Variants in QNG1 observed in about 807,000 individuals in gnomAD.
The protein encoded by QNG1 is Q-nucleotide N-glycosylase 1.
At chr9:83,943,708 C>T in the QNG1 span, among the ~76,000 whole-genome samples, 4 of 152,104 alleles carry the variant, frequency 2.6e-5, no homozygotes, top group Non-Finnish European at 5.9e-5. Context: ...ATTATTCAAT[C>T]ATAGAATCTA....
At chr9:83,955,480 A>G in the QNG1 span, 4 of 1,614,180 alleles carry the variant, frequency 2.5e-6, no homozygotes, top group South Asian at 1.1e-5. Flanking sequence ...AGTTGAGAAA[A>G]GAGCCTCCAA....
the QNG1 span, among the ~76,000 whole-genome samples, chr9:83,954,572 A>AC: frequency 1.1e-4 from 16 of 150,004 alleles, no homozygotes; most frequent in African/African-American, 3.9e-4. Flanking sequence ...TCAGAGCAAG[A>AC]CTCCATCTCA....
chr9:83,945,572 C>T, the QNG1 span, among the ~76,000 whole-genome samples: 1 of 151,954 alleles, frequency 6.6e-6, no homozygotes, highest in African/African-American at 2.4e-5. Context: ...ACTTCATATA[C>T]AGATTTCTGC....
chr9:83,955,334 C>A, the QNG1 span: 1 of 1,585,128 alleles, frequency 6.3e-7, no homozygotes, highest in Non-Finnish European at 8.6e-7. Flanking sequence ...AAAGAGTTAA[C>A]TCTGAGATGA....
chr9:83,943,192 T>G, the QNG1 span, among the ~76,000 whole-genome samples: 136 of 151,800 alleles, frequency 9.0e-4, no homozygotes, highest in Non-Finnish European at 1.3e-3. Flanking sequence ...ATACAAAAAT[T>G]AGCCAGGCAT....
the QNG1 span, among the ~76,000 whole-genome samples, chr9:83,947,562 G>T: frequency 2.0e-5 from 3 of 152,198 alleles, no homozygotes; most frequent in African/African-American, 7.2e-5. Context: ...CTCTGATGCC[G>T]AGGGGAGGCT....
chr9:83,954,702 A>G, the QNG1 span, among the ~76,000 whole-genome samples: 1 of 151,772 alleles, frequency 6.6e-6, no homozygotes, highest in African/African-American at 2.4e-5. Context: ...CAACATGGTG[A>G]AACCCCGTCT....
the QNG1 span, chr9:83,956,434 T>A: frequency 6.4e-7 from 1 of 1,567,514 alleles, no homozygotes; most frequent in Non-Finnish European, 8.6e-7. Context: ...CCGCTGTCAA[T>A]AAACACATCC....
At chr9:83,948,899 C>T in the QNG1 span, among the ~76,000 whole-genome samples, 1 of 152,016 alleles carries the variant, frequency 6.6e-6, no homozygotes. Flanking sequence ...AGGCAGCATG[C>T]TCCTTAAGAG....
At chr9:83,955,297 T>G in the QNG1 span, 1 of 1,444,488 alleles carries the variant, frequency 6.9e-7, no homozygotes, top group Non-Finnish European at 9.4e-7. Flanking sequence ...ATTTAAGTTT[T>G]TATTCTTAAA....
At chr9:83,945,485 G>A in the QNG1 span, among the ~76,000 whole-genome samples, 1 of 151,426 alleles carries the variant, frequency 6.6e-6, no homozygotes, top group Non-Finnish European at 1.5e-5. Flanking sequence ...CTCCAAACTC[G>A]CTTCCCATTT....
At chr9:83,942,269 A>T in the QNG1 span, among the ~76,000 whole-genome samples, 1 of 152,254 alleles carries the variant, frequency 6.6e-6, no homozygotes, top group Non-Finnish European at 1.5e-5. Flanking sequence ...ATTTAAGTGG[A>T]CTGACATAGA....
the QNG1 span, among the ~76,000 whole-genome samples, chr9:83,947,761 C>T: frequency 4.6e-5 from 7 of 152,214 alleles, no homozygotes; most frequent in East Asian, 5.8e-4. Context: ...GTGATCTGCC[C>T]GCCTGGGCCT....
chr9:83,946,498 T>C, the QNG1 span, among the ~76,000 whole-genome samples: 1 of 152,176 alleles, frequency 6.6e-6, no homozygotes, highest in African/African-American at 2.4e-5. Context: ...ATGCTCAAAG[T>C]TGATATGTAA....
chr9:83,945,400 C>CA, the QNG1 span, among the ~76,000 whole-genome samples: 1,808 of 109,920 alleles, frequency 0.016, 33 homozygotes, highest in African/African-American at 0.052. Context: ...GACCCTGTCT[C>CA]AAAAAAAAAA....
At chr9:83,944,983 T>A in the QNG1 span, 1 of 1,599,492 alleles carries the variant, frequency 6.3e-7, no homozygotes, top group South Asian at 1.1e-5. Flanking sequence ...AAAGAAACTC[T>A]TTTCCCCTGA....
At chr9:83,956,661 G>A in the QNG1 span, 16 of 566,874 alleles carry the variant, frequency 2.8e-5, no homozygotes, top group African/African-American at 2.9e-4. Context: ...CAAGGTAAAG[G>A]TTCTCTCCCG....
chr9:83,955,397 T>C, the QNG1 span: 1 of 1,613,888 alleles, frequency 6.2e-7, no homozygotes, highest in African/African-American at 1.3e-5. Context: ...CAGAGTCACA[T>C]CTCTGTAAGA....
chr9:83,956,384 CGCCTTG>C, the QNG1 span: 3 of 1,603,874 alleles, frequency 1.9e-6, no homozygotes, highest in Non-Finnish European at 2.6e-6. Flanking sequence ...CTGGCCCCGC[CGCCTTG>C]GCCAGCAGCA....
Sources: gnomAD v4.1 joint callset for allele counts (sites outside exome capture counted in the v4.1 genomes callset) on GRCh38, gnomAD v4.1.1 for gene constraint, MANE v1.5 for transcripts, NCBI Gene and HGNC (gene_info 2026-07-23, HGNC 2026-07-21) for gene names.